ADAMTSL3: variants seen among roughly 807,000 people sequenced by gnomAD.
ADAMTSL3 encodes the protein ADAMTS-like protein 3.
ADAMTSL3 carries 128 observed loss-of-function variants against 201.7 expected under a neutral mutation model. The ratio of observed to expected loss-of-function variants is 0.63; its 90% CI spans 0.55 to 0.73. The LOEUF (loss-of-function observed/expected upper bound fraction) is 0.73. Ranked by LOEUF, ADAMTSL3 falls within the 30% of genes least tolerant of loss-of-function variation. The pLI is 0.00. For synonymous variants in ADAMTSL3, 738 were observed against 748.4 expected (o/e 0.99, Z 0.23); for missense variants, 1,990 against 2,119.6 (o/e 0.94, Z 1.20).
At chr15:83,979,931 G>A (rs2067354674) in intron 20 of ADAMTSL3, among the ~76,000 whole-genome samples, 1 of 152,172 alleles carries the variant, frequency 6.6e-6, no homozygotes, top group Non-Finnish European at 1.5e-5. Flanking sequence ...CTCGAACTTT[G>A]CTGCACATTT....
chr15:83,924,710 C>T (rs2066215849), intron 17 of ADAMTSL3, among the ~76,000 whole-genome samples: 1 of 152,192 alleles, frequency 6.6e-6, no homozygotes, highest in Non-Finnish European at 1.5e-5. Flanking sequence ...CTGCTGGCTA[C>T]AGAGGGTGAT....
chr15:83,701,204 G>A (rs954577583), intron 2 of ADAMTSL3, among the ~76,000 whole-genome samples: 2 of 152,162 alleles, frequency 1.3e-5, no homozygotes, highest in African/African-American at 4.8e-5. Context: ...ACAGATCCAT[G>A]TATTTTTGAC....
chr15:83,947,853 C>T (rs554664111), intron 19 of ADAMTSL3, among the ~76,000 whole-genome samples: 32 of 152,270 alleles, frequency 2.1e-4, no homozygotes, highest in Admixed American at 1.6e-3. Flanking sequence ...CTTCTAACCA[C>T]GTCTCCAGCT....
chr15:83,817,106 G>T (rs2063782735), intron 5 of ADAMTSL3, among the ~76,000 whole-genome samples: 2 of 152,194 alleles, frequency 1.3e-5, no homozygotes, highest in Admixed American at 6.5e-5. Flanking sequence ...TAGGATTTTG[G>T]AATGTTTCAC....
intron 23 of ADAMTSL3, among the ~76,000 whole-genome samples, chr15:84,007,643 T>C (rs2067918891): frequency 6.6e-6 from 1 of 151,980 alleles, no homozygotes; most frequent in South Asian, 2.1e-4. Flanking sequence ...GGGAAGACCA[T>C]GTATGTTAGC....
At chr15:83,932,946 A>G (rs2066389800) in intron 17 of ADAMTSL3, among the ~76,000 whole-genome samples, 2 of 152,254 alleles carry the variant, frequency 1.3e-5, no homozygotes, top group African/African-American at 4.8e-5. Context: ...CATATATAAA[A>G]CAGGAAATTA....
chr15:83,810,382 C>T (rs1027975905), intron 5 of ADAMTSL3, among the ~76,000 whole-genome samples: 3 of 152,206 alleles, frequency 2.0e-5, no homozygotes, highest in South Asian at 4.1e-4. Context: ...TCAGTGCCAA[C>T]GTAGTCTAGC....
intron 19 of ADAMTSL3, among the ~76,000 whole-genome samples, chr15:83,954,924 C>A (rs969354269): frequency 5.3e-5 from 8 of 152,230 alleles, no homozygotes; most frequent in Admixed American, 3.9e-4. Context: ...GCCACCAACA[C>A]TGGAACTGCC....
chr15:83,994,763 T>C (rs2067653891), intron 23 of ADAMTSL3, among the ~76,000 whole-genome samples: 2 of 45,524 alleles, frequency 4.4e-5, no homozygotes, highest in Admixed American at 2.2e-4. Context: ...TGCCTGGCTA[T>C]TTTTTTTTTT....
In ADAMTSL3 at chr15:83,864,462, C is replaced by T. The variant is rs535284684; in HGVS notation, c.802+5622C>T. ...TGTGATGCAAGGCTGGTTCAACATACGCAAATCAATAAACGTAATCCAGCA... is the reference window on the plus strand; with the variant it reads ...TGTGATGCAAGGCTGGTTCAACATATGCAAATCAATAAACGTAATCCAGCA... On this transcript the variant is annotated intron_variant, in intron 8 of 29. Coordinates refer to ENST00000286744, the MANE Select transcript of ADAMTSL3 (RefSeq NM_207517.3). Among the ~76,000 whole-genome samples, 1,077 of 152,236 alleles carry T rather than the reference C, an allele frequency of 7.1e-3. 9 individuals carry two copies. The highest frequency in any genetic ancestry group is 0.023 in the African/African-American group (965 of 41,530).
At chr15:83,952,784 C>T (rs190958351) in intron 19 of ADAMTSL3, among the ~76,000 whole-genome samples, 34 of 143,034 alleles carry the variant, frequency 2.4e-4, no homozygotes, top group African/African-American at 8.4e-4. Flanking sequence ...CCAGCCTGGG[C>T]GACAGAGTAA....
At chr15:83,724,756 AT>A (rs899730858) in intron 3 of ADAMTSL3, among the ~76,000 whole-genome samples, 3 of 152,044 alleles carry the variant, frequency 2.0e-5, no homozygotes, top group African/African-American at 7.2e-5. Context: ...ATGAGTTCAA[AT>A]GTTTTAATTT....
intron 12 of ADAMTSL3, among the ~76,000 whole-genome samples, chr15:83,891,584 C>T (rs200544963): frequency 2.8e-4 from 43 of 152,280 alleles, no homozygotes; most frequent in African/African-American, 8.9e-4. Context: ...TGTTTCCCAT[C>T]GCTAGAGCTG....
At chr15:84,030,547 A>C (rs1373052353) in intron 27 of ADAMTSL3, among the ~76,000 whole-genome samples, 3 of 152,184 alleles carry the variant, frequency 2.0e-5, no homozygotes, top group African/African-American at 7.2e-5. Context: ...GTATCTAGGA[A>C]GTAACTAACT....
At chr15:83,911,110 A>G (rs1325249733) in intron 15 of ADAMTSL3, among the ~76,000 whole-genome samples, 2 of 152,214 alleles carry the variant, frequency 1.3e-5, no homozygotes, top group Non-Finnish European at 2.9e-5. Context: ...TAAAATATGC[A>G]CATGCTTAGA....
intron 2 of ADAMTSL3, among the ~76,000 whole-genome samples, chr15:83,666,549 A>G (rs1368374430): frequency 6.6e-6 from 1 of 152,146 alleles, no homozygotes; most frequent in Non-Finnish European, 1.5e-5. Flanking sequence ...TTAGAAATGG[A>G]ATAACAGGAC....
intron 23 of ADAMTSL3, among the ~76,000 whole-genome samples, chr15:83,993,668 G>A (rs6603013): frequency 0.83 from 127,068 of 152,226 alleles, 53,479 homozygotes; most frequent in African/African-American, 0.95. Context: ...TAACTATATT[G>A]AATAACAGAA....
chr15:83,676,843 A>G (rs770766847), intron 2 of ADAMTSL3, among the ~76,000 whole-genome samples: 1 of 152,236 alleles, frequency 6.6e-6, no homozygotes, highest in Non-Finnish European at 1.5e-5. Flanking sequence ...CACAGTGAGA[A>G]GACACATCTA....
At chr15:84,029,645 TGAGGAGC>T (rs2068368170) in intron 27 of ADAMTSL3, among the ~76,000 whole-genome samples, 1 of 5,248 alleles carries the variant, frequency 1.9e-4, no homozygotes, top group Non-Finnish European at 2.9e-4. Context: ...ACCCATTTTC[TGAGGAGC>T]TGAGGAGAAA....
Sources: allele counts gnomAD v4.1 joint callset (sites outside exome capture counted in the v4.1 genomes callset), GRCh38; gene constraint gnomAD v4.1.1; transcripts MANE v1.5; gene names NCBI Gene and HGNC (gene_info 2026-07-23, HGNC 2026-07-21).